Variants in EIPR1 observed in about 807,000 individuals in gnomAD.
The protein encoded by EIPR1 is EARP complex and GARP complex interacting protein 1.
In EIPR1, 25 loss-of-function variants were observed where a neutral mutation model predicts 48.1. That is an observed-to-expected ratio of 0.52 (90% CI 0.38 to 0.73). The LOEUF (loss-of-function observed/expected upper bound fraction) is 0.73. EIPR1 is among the 30% of genes least tolerant of loss of function. EIPR1 has a pLI of 0.00. For synonymous variants in EIPR1, 204 were observed against 201.9 expected (o/e 1.01, Z -0.09); for missense variants, 415 against 506.2 (o/e 0.82, Z 1.73).
intron 4 of EIPR1, among the ~76,000 whole-genome samples, chr2:3,240,085 C>T (rs1572342067): frequency 2.0e-5 from 3 of 147,092 alleles, no homozygotes; most frequent in Non-Finnish European, 3.0e-5. Context: ...CAGCAGATCC[C>T]TCCTAAAGCA....
chr2:3,296,425 A>AT (rs1668598814), intron 3 of EIPR1, among the ~76,000 whole-genome samples: 1 of 130,666 alleles, frequency 7.7e-6, no homozygotes, highest in Non-Finnish European at 1.6e-5. Context: ...CCCCCTCTGC[A>AT]AACACACACC....
Position 3,356,628 on chromosome 2 carries a change from C to A in EIPR1, c.43-1995G>T, listed in dbSNP as rs190218141. ...CAGAACCTGTGAATGTGAACTTACG[C>A]GGTAAAGGGACTCTGCTGATGTGCT... On this transcript the variant is annotated intron_variant, in intron 1 of 8. Coordinates refer to ENST00000382125, the MANE Select transcript of EIPR1 (RefSeq NM_003310.5). Among the ~76,000 whole-genome samples, 215 of 152,284 alleles carry A rather than the reference C, an allele frequency of 1.4e-3. 1 individual carries two copies. Among genetic ancestry groups the A allele is most frequent in the African/African-American group, 5.2e-3 (215 of 41,556 alleles).
chr2:3,328,964 A>G (rs186989700), intron 3 of EIPR1, among the ~76,000 whole-genome samples: 777 of 45,318 alleles, frequency 0.017, 47 homozygotes, highest in East Asian at 0.12. Flanking sequence ...GGCACCAGCC[A>G]GGCTCCCCTG....
At chr2:3,208,447 G>A (rs926801828) in intron 5 of EIPR1, 195 of 1,484,866 alleles carry the variant, frequency 1.3e-4, no homozygotes, top group African/African-American at 5.3e-4. Flanking sequence ...CTCTGCTTCC[G>A]TCGTTAGCTT....
rs1313993854 is a variant in EIPR1 at position 3,189,653 on chromosome 2, G to A, written c.990-145C>T. On this transcript the variant is annotated intron_variant, in intron 8 of 8. Transcript: ENST00000382125. This position sits in a 1 kb window ranked among gnomAD's most constrained non-coding sequence, Gnocchi z 4.6. ...CTCCGCTGTGGGATGGGAAGAATTAGAGGAGCCCACACCGAGGACGGTGGG... is the reference window on the plus strand; with the variant it reads ...CTCCGCTGTGGGATGGGAAGAATTAAAGGAGCCCACACCGAGGACGGTGGG... The A allele has an allele frequency of 3.9e-6, 3 of 772,686 alleles. No individual in the cohort carries two copies. Among genetic ancestry groups the A allele is most frequent in the African/African-American group, 1.8e-5 (1 of 57,120 alleles). The allele number at this position is 772,686 out of a possible 1,614,324, so 47.9% of individuals were successfully genotyped here. A position where few individuals can be genotyped will look rare whatever the true frequency, so the allele number is the denominator to read the frequency against.
At position 3,194,128 on chromosome 2, in the gene EIPR1, A is replaced by G. The variant is rs1211442806; in HGVS notation, c.692T>C (p.Val231Ala). Residue 231 changes from valine to alanine, a missense_variant, in exon 7 of 9, where the codon GTG becomes GCG. Transcript: ENST00000382125. Reference sequence around the variant, plus strand: ...ATTGGGATTAAAGTCAAGGTCCCGCACCAGCTGTCCGTGGGCATTCTCTAT... The same window carrying G: ...ATTGGGATTAAAGTCAAGGTCCCGCGCCAGCTGTCCGTGGGCATTCTCTAT... The part of the protein sequence containing the change: ...YCIENAHGQL[V>A]RDLDFNPNKQ... 2 of 1,613,766 alleles carry G rather than the reference A, an allele frequency of 1.2e-6. No homozygotes were observed. Among genetic ancestry groups the G allele is most frequent in the Admixed American group, 1.7e-5 (1 of 59,994 alleles).
chr2:3,225,026 A>G (rs1366479732), intron 4 of EIPR1, among the ~76,000 whole-genome samples: 2 of 152,188 alleles, frequency 1.3e-5, no homozygotes, highest in African/African-American at 4.8e-5. Flanking sequence ...ACTCCCTTGT[A>G]AACAGTTTAT....
rs2103400396 is a variant in EIPR1, at chr2:3,377,714, GGCC to G, written c.-28_-26del. 3 of 1,570,380 alleles carry G rather than the reference GGCC, an allele frequency of 1.9e-6. No individual in the cohort carries two copies. Among genetic ancestry groups the G allele is most frequent in the South Asian group, 2.3e-5 (2 of 85,626 alleles). On this transcript the variant is annotated 5_prime_UTR_variant, in exon 1 of 9. Coordinates refer to ENST00000382125, the MANE Select transcript of EIPR1 (RefSeq NM_003310.5). ...TGCTGCGGGGAAGCGACCCGACCCC[GGCC>G]ACTCACACGCTAAGGACCTCGCTAC...
In EIPR1 at chr2:3,311,139, A is replaced by G. The variant is rs115360519; in HGVS notation, c.259+26878T>C. The stretch of plus-strand genomic sequence containing the variant: ...ACTGGCAAGCAAAGACAAGGTTACT[A>G]CTTACTTAGGCCTAGTATGTGCACA... On this transcript the variant is annotated intron_variant, in intron 3 of 8. Coordinates refer to ENST00000382125, the MANE Select transcript of EIPR1 (RefSeq NM_003310.5). Among the ~76,000 whole-genome samples the G allele has an allele frequency of 4.1e-3, 617 of 152,256 alleles. 8 individuals are homozygous for G. The highest frequency in any genetic ancestry group is 0.014 in the African/African-American group (564 of 41,544).
At chr2:3,366,998 T>C (rs529412360) in intron 1 of EIPR1, among the ~76,000 whole-genome samples, 2 of 151,874 alleles carry the variant, frequency 1.3e-5, no homozygotes, top group Non-Finnish European at 2.9e-5. Context: ...TGAGCCAAGA[T>C]TGCGCCACTG....
intron 2 of EIPR1, among the ~76,000 whole-genome samples, chr2:3,346,052 C>T (rs1033260838): frequency 2.6e-5 from 4 of 152,216 alleles, no homozygotes; most frequent in African/African-American, 9.6e-5. Flanking sequence ...ACCACTTCTC[C>T]CAGCATGTTT....
intron 4 of EIPR1, among the ~76,000 whole-genome samples, chr2:3,214,768 G>A (rs558117923): frequency 7.2e-5 from 11 of 152,286 alleles, no homozygotes; most frequent in African/African-American, 2.2e-4. Flanking sequence ...TATGGGACTC[G>A]AAATGCAATT....
chr2:3,225,148 CT>C (rs36188244), intron 4 of EIPR1, among the ~76,000 whole-genome samples: 37 of 151,918 alleles, frequency 2.4e-4, no homozygotes, highest in African/African-American at 8.2e-4. Context: ...ATACTGTTGG[CT>C]TTTTCCCCCC....
intron 1 of EIPR1, among the ~76,000 whole-genome samples, chr2:3,365,141 TAA>T (rs58972888): frequency 2.8e-5 from 4 of 145,448 alleles, no homozygotes; most frequent in East Asian, 2.0e-4. Flanking sequence ...TTGTTTTAAT[TAA>T]AAAAAAAAAA....
intron 3 of EIPR1, among the ~76,000 whole-genome samples, chr2:3,275,559 A>G (rs1667823691): frequency 6.6e-6 from 1 of 152,198 alleles, no homozygotes; most frequent in Non-Finnish European, 1.5e-5. Context: ...AATCCATACG[A>G]TATACCATTA....
intron 2 of EIPR1, among the ~76,000 whole-genome samples, chr2:3,339,812 T>C (rs913188847): frequency 2.0e-5 from 3 of 152,184 alleles, no homozygotes; most frequent in Non-Finnish European, 4.4e-5. Context: ...TAGCCGGGCG[T>C]GGTGGCGGGC....
chr2:3,345,128 G>A (rs1478759108), intron 2 of EIPR1, among the ~76,000 whole-genome samples: 1 of 152,120 alleles, frequency 6.6e-6, no homozygotes, highest in Non-Finnish European at 1.5e-5. Context: ...TGCAGTGCGT[G>A]GTCAAGGGCT....
intron 3 of EIPR1, among the ~76,000 whole-genome samples, chr2:3,292,917 G>A (rs541006779): frequency 1.6e-4 from 24 of 151,082 alleles, no homozygotes; most frequent in African/African-American, 4.6e-4. Flanking sequence ...AAAAAAGACT[G>A]TCATTTGCAG....
chr2:3,257,743 GTTC>G (rs950284565), intron 3 of EIPR1, among the ~76,000 whole-genome samples: 2 of 152,028 alleles, frequency 1.3e-5, no homozygotes, highest in Non-Finnish European at 2.9e-5. Context: ...ATTTCCTTCC[GTTC>G]TTCTTCAATA....
Sources: gnomAD v4.1 joint callset for allele counts (sites outside exome capture counted in the v4.1 genomes callset) on GRCh38, gnomAD v4.1.1 for gene constraint, Gnocchi (gnomAD v3.1) non-coding constraint, MANE v1.5 for transcripts, NCBI Gene and HGNC (gene_info 2026-07-23, HGNC 2026-07-21) for gene names.